SCAF11: variants seen among roughly 807,000 people sequenced by gnomAD.
The protein encoded by SCAF11 is SR-related CTD associated factor 11, also known as protein SCAF11.
SCAF11 carries 47 observed loss-of-function variants against 140.5 expected under a neutral mutation model. The observed-to-expected ratio is 0.33, with a 90% confidence interval of 0.26 to 0.43. SCAF11 has a LOEUF of 0.43. Ranked by LOEUF, SCAF11 falls within the 20% of genes least tolerant of loss-of-function variation. The pLI is 1.00. For synonymous variants in SCAF11, 557 were observed against 579.4 expected, an observed-to-expected ratio of 0.96 and a Z score of 0.55; for missense variants, 1,645 against 1,705.1, an observed-to-expected ratio of 0.96 and a Z score of 0.62.
rs1945555739 is a variant in SCAF11, at chr12:45,951,775, C to G, written c.220-48G>C. ...TATCTTTACAAATGTTTCTTTAGAT[C>G]AAAATTATAAATACAATTATAAATT... On this transcript the variant is annotated intron_variant, in intron 3 of 14. Coordinates refer to ENST00000369367, the MANE Select transcript of SCAF11 (RefSeq NM_004719.3). 6.8e-6 allele frequency: 8 copies of G among 1,169,628 alleles called. No individual in the cohort carries two copies. In the East Asian group the frequency reaches 1.9e-4, roughly 28 times the overall value. The allele number at this position is 1,169,628 out of a possible 1,614,324, so 72.5% of individuals were successfully genotyped here.
At chr12:45,938,357 C>T (rs11183242) in intron 6 of SCAF11, among the ~76,000 whole-genome samples, 3,184 of 152,050 alleles carry the variant, frequency 0.021, 118 homozygotes, top group African/African-American at 0.073. Context: ...GGCATGATGG[C>T]GGGCACCTGT....
Position 45,925,081 on chromosome 12 carries a change from A to G in SCAF11, c.3560-7T>C. ...TGGTCTTTTAGGCTAGAATCTATCA[A>G]AAGAAAAAAAGCTTGTGAAAAAAAT... On this transcript the variant is annotated splice_region_variant and splice_polypyrimidine_tract_variant and intron_variant, in intron 11 of 14. Coordinates refer to ENST00000369367, the MANE Select transcript of SCAF11 (RefSeq NM_004719.3). The G allele has an allele frequency of 1.4e-5, 22 of 1,584,052 alleles. No homozygotes were observed. Among genetic ancestry groups the G allele is most frequent in the Non-Finnish European group, 1.9e-5 (22 of 1,163,654 alleles).
intron 1 of SCAF11, among the ~76,000 whole-genome samples, chr12:45,977,984 T>C (rs979277427): frequency 1.3e-5 from 2 of 152,198 alleles, no homozygotes; most frequent in African/African-American, 2.4e-5. Context: ...ACATCTATTA[T>C]GACTCCCAGT....
intron 1 of SCAF11, among the ~76,000 whole-genome samples, chr12:45,973,071 C>G (rs913614983): frequency 7.0e-5 from 10 of 142,924 alleles, no homozygotes; most frequent in Non-Finnish European, 1.5e-4. Flanking sequence ...TAAGCAAATA[C>G]TTTTGAAACA....
intron 1 of SCAF11, among the ~76,000 whole-genome samples, chr12:45,965,379 G>A (rs1195564236): frequency 6.6e-6 from 1 of 152,208 alleles, no homozygotes; most frequent in Non-Finnish European, 1.5e-5. Flanking sequence ...TGGCCTAAAA[G>A]ACTAGGAAAA....
At chr12:45,984,696 T>C (rs1207010709) in intron 1 of SCAF11, among the ~76,000 whole-genome samples, 2 of 112,350 alleles carry the variant, frequency 1.8e-5, no homozygotes, top group African/African-American at 5.7e-5. Flanking sequence ...TCGCACTTCC[T>C]TTTTTTTTTT....
At chr12:45,966,717 C>T (rs944966986) in intron 1 of SCAF11, among the ~76,000 whole-genome samples, 2 of 151,972 alleles carry the variant, frequency 1.3e-5, no homozygotes, top group African/African-American at 4.8e-5. Flanking sequence ...AGTCCTAAGG[C>T]ATGTCTGGTA....
At chr12:45,948,385 G>C (rs936650727) in intron 5 of SCAF11, 52 bp downstream of exon 5, 10 of 1,184,496 alleles carry the variant, frequency 8.4e-6, no homozygotes, top group Non-Finnish European at 1.2e-5. Flanking sequence ...TTTTGTACTA[G>C]TTAACTTCTG....
In SCAF11 at chr12:45,926,804, C is replaced by T; in HGVS notation, c.2897G>A (p.Trp966Ter). The part of the protein sequence containing the change: ...RIDRDSYSPR[W>*]KGRWANDGWR... Reference sequence around the variant, plus strand: ...ACCATCATTTGCCCATCTTCCCTTCCACCGGGGAGAGTAACTATCTCTGTC... The same window carrying T: ...ACCATCATTTGCCCATCTTCCCTTCTACCGGGGAGAGTAACTATCTCTGTC... The change falls in exon 11 of 15, where the codon TGG becomes TAG. Residue 966 changes from tryptophan to a stop codon, truncating the protein, a stop_gained. Coordinates refer to ENST00000369367, the MANE Select transcript of SCAF11 (RefSeq NM_004719.3). LOFTEE classifies it high-confidence loss of function. The T allele has an allele frequency of 1.2e-6, 2 of 1,614,142 alleles. No homozygotes were observed. The highest frequency in any genetic ancestry group is 1.7e-6 in the Non-Finnish European group (2 of 1,180,018).
rs1432439208 is a variant in SCAF11, at chr12:45,919,465, T to C, written c.*2583A>G. 6.6e-6 allele frequency: 1 copy of C among 152,554 alleles called. No homozygotes were observed. Among genetic ancestry groups the C allele is most frequent in the African/African-American group, 2.4e-5 (1 of 41,460 alleles). 9.5% of individuals were successfully genotyped at this position (152,554 alleles called of 1,614,324 possible). On this transcript the variant is annotated 3_prime_UTR_variant, in exon 15 of 15. Coordinates refer to ENST00000369367, the MANE Select transcript of SCAF11 (RefSeq NM_004719.3). Reference sequence around the variant, plus strand: ...AACATTGGTCAATGTGACTAGTAAGTTAACGGGACCAAGGTTTCAAAGATC... The same window carrying C: ...AACATTGGTCAATGTGACTAGTAAGCTAACGGGACCAAGGTTTCAAAGATC...
intron 5 of SCAF11, among the ~76,000 whole-genome samples, chr12:45,945,873 CT>C (rs1279558913): frequency 6.6e-6 from 1 of 151,658 alleles, no homozygotes; most frequent in Non-Finnish European, 1.5e-5. Flanking sequence ...ATTTTTTTTA[CT>C]AGACACGAGG....
At chr12:45,930,452 T>G (rs1168678105) in intron 10 of SCAF11, among the ~76,000 whole-genome samples, 2 of 149,008 alleles carry the variant, frequency 1.3e-5, no homozygotes, top group South Asian at 2.1e-4. Context: ...TTTGTTTTTT[T>G]TTTGTTTTTT....
intron 3 of SCAF11, among the ~76,000 whole-genome samples, chr12:45,959,687 A>G (rs189362775): frequency 1.3e-5 from 2 of 152,238 alleles, no homozygotes; most frequent in African/African-American, 4.8e-5. Context: ...TTATCACAGC[A>G]ATAAAAGATT....
chr12:45,926,385 T>G lies in SCAF11; in HGVS notation c.3316A>C (p.Asn1106His), dbSNP rs773206389. ...RWQNRKPLSG[N>H]SNSSGSESFK... ...GATTCACTCCCTGAACTGTTTGAAT[T>G]CCCTGAGAGGGGTTTTCGATTTTGC... Residue 1106 changes from asparagine (N) to histidine (H), a missense_variant, in exon 11 of 15, where the codon AAT becomes CAT. Physicochemically the swap from Asn to His is moderately conservative, Grantham distance 68. Around this residue, in one of 2 missense-constraint regions of SCAF11, gnomAD observed 1,582 missense variants for 1,609.2 expected, o/e 0.98. Transcript: ENST00000369367. 5.0e-6 allele frequency: 8 copies of G among 1,614,120 alleles called. No individual in the cohort carries two copies. The highest frequency in any genetic ancestry group is 6.8e-6 in the Non-Finnish European group (8 of 1,180,046).
Position 45,931,610 on chromosome 12 carries a change from A to G in SCAF11, c.737T>C (p.Ile246Thr), listed in dbSNP as rs887542459. 2 of 1,475,778 alleles carry G rather than the reference A, an allele frequency of 1.4e-6. No individual in the cohort carries two copies. The highest frequency in any genetic ancestry group is 1.5e-5 in the African/African-American group (1 of 67,888). The allele number at this position is 1,475,778 out of a possible 1,614,324, so 91.4% of individuals were successfully genotyped here. A position where few individuals can be genotyped will look rare whatever the true frequency, so the allele number is the denominator to read the frequency against. Residue 246 changes from isoleucine (I) to threonine (T), a missense_variant and splice_region_variant, in exon 10 of 15, where the codon ATT (isoleucine) becomes ACT (threonine). Around this residue, in one of 2 missense-constraint regions of SCAF11, gnomAD observed 1,582 missense variants for 1,609.2 expected, o/e 0.98. Transcript: ENST00000369367. The part of the protein sequence containing the change: ...FPDTLPGIGR[I>T]GFIPWNVETE... ...TTCAACATTCCAGGGTATAAAACCA[A>G]TTCTGAAAACATAATAAAGACATTT...
rs368325648 is a variant in SCAF11 at position 45,927,925 on chromosome 12, A to G, written c.1776T>C (p.Ile592=). The change falls in exon 11 of 15, where the codon ATT becomes ATC. Residue 592 remains isoleucine (I), a synonymous_variant. Transcript: ENST00000369367. ...EKITESSLVE[I]TEHKDFTLKT... is the part of the protein sequence containing the mutation. ...TTAGTGTAAAATCTTTATGTTCAGT[A>G]ATTTCTACTAGGGAACTCTCTGTTA... The G allele has an allele frequency of 7.4e-6, 12 of 1,612,786 alleles. 1 individual carries two copies. Among genetic ancestry groups the G allele is most frequent in the African/African-American group, 6.7e-5 (5 of 74,772 alleles).
At chr12:45,964,382 C>G (rs1434299656) in intron 1 of SCAF11, among the ~76,000 whole-genome samples, 194 bp from the exon 2 acceptor site, 2 of 152,196 alleles carry the variant, frequency 1.3e-5, no homozygotes, top group African/African-American at 4.8e-5. Flanking sequence ...AACGGAAAAG[C>G]CTTGGCCGTG....
At chr12:45,953,348 T>C (rs571366939) in intron 3 of SCAF11, among the ~76,000 whole-genome samples, 1 of 152,228 alleles carries the variant, frequency 6.6e-6, no homozygotes, top group South Asian at 2.1e-4. Context: ...TAAGAGATTA[T>C]ATTAATGCTA....
intron 6 of SCAF11, 91 bp downstream of exon 6, chr12:45,945,158 C>G: frequency 1.3e-6 from 1 of 793,758 alleles, no homozygotes; most frequent in East Asian, 2.5e-5. Context: ...ATTTTCCAGC[C>G]TGAAGTGTTA....
Sources: allele counts gnomAD v4.1 joint callset (sites outside exome capture counted in the v4.1 genomes callset), GRCh38; gene constraint gnomAD v4.1.1; regional missense constraint gnomAD v4.1.1; transcripts MANE v1.5; gene names NCBI Gene and HGNC (gene_info 2026-07-23, HGNC 2026-07-21).